RAPGEF6: variants seen among roughly 807,000 people sequenced by gnomAD.
The protein encoded by RAPGEF6 is PDZ domain containing guanine nucleotide exchange factor (GEF) 2.
A neutral mutation model predicts 171.4 loss-of-function variants in RAPGEF6; 56 were observed. The ratio of observed to expected loss-of-function variants is 0.33; its 90% CI spans 0.26 to 0.41. The LOEUF is 0.41. RAPGEF6 is among the 10% of genes least tolerant of loss of function. The pLI, the probability that RAPGEF6 is intolerant of heterozygous loss-of-function variation, is 1.00. For synonymous variants in RAPGEF6, 692 were observed against 650.1 expected (o/e 1.06, Z -0.98); for missense variants, 1,674 against 1,921.4 (o/e 0.87, Z 2.41).
chr5:131,604,509 C>T, intron 2 of RAPGEF6, 114 bp downstream of exon 2: 1 of 1,176,162 alleles, frequency 8.5e-7, no homozygotes, highest in Non-Finnish European at 1.2e-6. Flanking sequence ...ATCTATAATG[C>T]ATATACCAAG....
chr5:131,632,185 T>C lies in RAPGEF6; in HGVS notation c.69+2777A>G, dbSNP rs183101127. Among the ~76,000 whole-genome samples the C allele has an allele frequency of 1.9e-3, 294 of 152,094 alleles. 2 individuals are homozygous for C. Among genetic ancestry groups the C allele is most frequent in the African/African-American group, 6.7e-3 (276 of 41,482 alleles). On this transcript the variant is annotated intron_variant, in intron 1 of 27. Coordinates refer to ENST00000509018, the MANE Select transcript of RAPGEF6 (RefSeq NM_016340.6). ...GTCAAATAGGATGTGCCCTATGCTA[T>C]GCATCATTATCTCCACTCCTCCTTC... is the stretch of plus-strand genomic sequence containing the variant.
intron 6 of RAPGEF6, among the ~76,000 whole-genome samples, chr5:131,532,506 T>C (rs1759460526): frequency 6.6e-6 from 1 of 152,164 alleles, no homozygotes; most frequent in Non-Finnish European, 1.5e-5. Context: ...GCACCAAATC[T>C]GTGTTCCTGG....
chr5:131,477,913 G>A (rs1755216417), intron 16 of RAPGEF6, among the ~76,000 whole-genome samples: 1 of 152,062 alleles, frequency 6.6e-6, no homozygotes, highest in African/African-American at 2.4e-5. Context: ...CTTTTTCACA[G>A]TGACTTCCAG....
rs570702268 is a variant in RAPGEF6, at chr5:131,522,741, TA to T, written c.496-1221del. Among the ~76,000 whole-genome samples, 191 of 152,226 alleles carry T rather than the reference TA, an allele frequency of 1.3e-3. 2 individuals carry two copies. Among genetic ancestry groups the T allele is most frequent in the African/African-American group, 4.2e-3 (176 of 41,544 alleles). ...ATTTTCTGATTCCTAAAGAAAAGGCTAAAAGGCCAAGAAGTACCTGTGACAG... is the reference window on the plus strand; with the variant it reads ...ATTTTCTGATTCCTAAAGAAAAGGCTAAAGGCCAAGAAGTACCTGTGACAG... On this transcript the variant is annotated intron_variant, in intron 6 of 27. Transcript: ENST00000509018.
chr5:131,605,149 A>T (rs972091280), intron 1 of RAPGEF6, among the ~76,000 whole-genome samples: 4 of 152,188 alleles, frequency 2.6e-5, no homozygotes, highest in Non-Finnish European at 2.9e-5. Context: ...TCTACCACTA[A>T]ATAAAAAAGA....
chr5:131,598,509 CA>C (rs1411413254), intron 3 of RAPGEF6, among the ~76,000 whole-genome samples: 3 of 152,046 alleles, frequency 2.0e-5, no homozygotes, highest in African/African-American at 7.2e-5. Flanking sequence ...CAACATTAGA[CA>C]AAACTGCTGA....
intron 4 of RAPGEF6, among the ~76,000 whole-genome samples, chr5:131,587,803 C>T (rs1763344796): frequency 6.6e-6 from 1 of 152,122 alleles, no homozygotes; most frequent in Non-Finnish European, 1.5e-5. Context: ...AGAAATGTTA[C>T]TCTCCTTTCT....
At chr5:131,627,719 G>A (rs1766024966) in intron 1 of RAPGEF6, among the ~76,000 whole-genome samples, 2 of 151,970 alleles carry the variant, frequency 1.3e-5, no homozygotes, top group African/African-American at 4.8e-5. Flanking sequence ...TTGTGGGGTT[G>A]TTTTCTTTTT....
At chr5:131,563,440 G>C (rs1761733264) in intron 4 of RAPGEF6, among the ~76,000 whole-genome samples, 1 of 152,106 alleles carries the variant, frequency 6.6e-6, no homozygotes, top group Non-Finnish European at 1.5e-5. Flanking sequence ...ACAAATAACA[G>C]TTAATAACAA....
Position 131,425,652 on chromosome 5 carries a change from T to C in RAPGEF6, c.*1614A>G, listed in dbSNP as rs6878583. ...TTCCTAAAATAAAGAGACAATCATGTTGATGGGAAAGATGAACTACTACCA... is the reference window on the plus strand; with the variant it reads ...TTCCTAAAATAAAGAGACAATCATGCTGATGGGAAAGATGAACTACTACCA... On this transcript the variant is annotated 3_prime_UTR_variant, in exon 28 of 28. Transcript: ENST00000509018. 0.15 allele frequency: 22,558 copies of C among 152,326 alleles called. 4,086 individuals carry two copies. The highest frequency in any genetic ancestry group is 0.43 in the African/African-American group (17,874 of 41,452). 9.4% of individuals were successfully genotyped at this position (152,326 alleles called of 1,614,324 possible).
chr5:131,604,503 A>G (rs1166477253), intron 2 of RAPGEF6, 120 bp downstream of exon 2: 5 of 1,117,828 alleles, frequency 4.5e-6, no homozygotes, highest in Non-Finnish European at 6.3e-6. Flanking sequence ...GATCTAATCT[A>G]TAATGCATAT....
chr5:131,432,474 C>T (rs71591973), intron 25 of RAPGEF6, among the ~76,000 whole-genome samples: 1,729 of 151,932 alleles, frequency 0.011, 19 homozygotes, highest in Non-Finnish European at 0.018. Flanking sequence ...AAAAATTAGC[C>T]GGGCGTGGTG....
chr5:131,484,669 ATC>A (rs982712570), intron 15 of RAPGEF6, among the ~76,000 whole-genome samples: 5 of 152,186 alleles, frequency 3.3e-5, no homozygotes, highest in African/African-American at 9.6e-5. Context: ...TTTTTATTAT[ATC>A]TCTGTTAATA....
intron 5 of RAPGEF6, among the ~76,000 whole-genome samples, chr5:131,558,325 G>A (rs1168811621): frequency 2.6e-5 from 4 of 151,170 alleles, no homozygotes; most frequent in Admixed American, 6.6e-5. Context: ...TTGCTAGATC[G>A]TAGTAGTGAA....
chr5:131,484,222 C>CTG (rs1755710954), intron 15 of RAPGEF6, among the ~76,000 whole-genome samples: 1 of 74,110 alleles, frequency 1.3e-5, no homozygotes, highest in Non-Finnish European at 2.5e-5. Context: ...ACTGCAGAGG[C>CTG]TTTTTTTTTT....
chr5:131,506,243 T>C (rs979917688), intron 9 of RAPGEF6, among the ~76,000 whole-genome samples: 1 of 152,196 alleles, frequency 6.6e-6, no homozygotes, highest in African/African-American at 2.4e-5. Flanking sequence ...TGCACTCAAG[T>C]GATCCTCCTG....
intron 13 of RAPGEF6, among the ~76,000 whole-genome samples, chr5:131,493,306 C>T (rs546524138): frequency 4.6e-5 from 7 of 152,248 alleles, no homozygotes; most frequent in African/African-American, 9.6e-5. Context: ...CCTCGTGATC[C>T]GCCTGTCTCG....
chr5:131,628,094 C>A (rs960256050), intron 1 of RAPGEF6, among the ~76,000 whole-genome samples: 6 of 152,130 alleles, frequency 3.9e-5, no homozygotes, highest in Non-Finnish European at 7.3e-5. Context: ...TACAATGGCC[C>A]CTAAGTGTTC....
chr5:131,452,926 C>T (rs752315051), intron 21 of RAPGEF6, 128 bp downstream of exon 21: 26 of 1,165,832 alleles, frequency 2.2e-5, no homozygotes, highest in East Asian at 2.8e-5. Flanking sequence ...TTACATGAAA[C>T]GGACACATAT....
Sources: gnomAD v4.1 joint callset for allele counts (sites outside exome capture counted in the v4.1 genomes callset) on GRCh38, gnomAD v4.1.1 for gene constraint, MANE v1.5 for transcripts, NCBI Gene and HGNC (gene_info 2026-07-23, HGNC 2026-07-21) for gene names.